The following CTNNA2 variants were observed in gnomAD, a reference collection of about 807,000 sequenced individuals.
CTNNA2 encodes catenin alpha 2, also known as catenin alpha-2.
Under a neutral mutation model 101.0 loss-of-function variants are expected in CTNNA2, and 42 were observed. The ratio of observed to expected loss-of-function variants is 0.42; its 90% confidence interval spans 0.32 to 0.54. The LOEUF is 0.54. CTNNA2 is among the 20% of genes least tolerant of loss of function. CTNNA2 has a pLI of 0.14. For synonymous variants in CTNNA2, 450 were observed against 456.4 expected (o/e 0.99, Z 0.18); for missense variants, 871 against 1,223.1 (o/e 0.71, Z 4.29).
chr2:79,705,752 T>TA (rs1371935018), intron 2 of CTNNA2, among the ~76,000 whole-genome samples: 1 of 152,224 alleles, frequency 6.6e-6, no homozygotes, highest in African/African-American at 2.4e-5. Flanking sequence ...TAAAAAATAA[T>TA]ACTTGGTACT....
At chr2:80,384,368 A>T (rs1184221581) in intron 7 of CTNNA2, among the ~76,000 whole-genome samples, 1 of 151,986 alleles carries the variant, frequency 6.6e-6, no homozygotes, top group Non-Finnish European at 1.5e-5. Context: ...TCCTTGTGAC[A>T]TGAGTTTACC....
chr2:80,259,557 C>A (rs1325264850), intron 7 of CTNNA2, among the ~76,000 whole-genome samples: 1 of 152,182 alleles, frequency 6.6e-6, no homozygotes, highest in Non-Finnish European at 1.5e-5. Flanking sequence ...GTGGCCTGTT[C>A]TGAAGTGTGT....
intron 9 of CTNNA2, among the ~76,000 whole-genome samples, chr2:80,494,358 A>T (rs1687279070): frequency 6.6e-6 from 1 of 152,218 alleles, no homozygotes; most frequent in Non-Finnish European, 1.5e-5. Flanking sequence ...TGGACTAAAG[A>T]ACAGACAAAT....
chr2:80,124,062 G>T (rs2148883042), intron 7 of CTNNA2, among the ~76,000 whole-genome samples: 2 of 152,240 alleles, frequency 1.3e-5, no homozygotes, highest in South Asian at 4.2e-4. Flanking sequence ...CTGTTCACAA[G>T]CTCCCCTCTC....
chr2:80,589,417 C>A lies in CTNNA2; in HGVS notation c.2121C>A (p.Ser707Arg), dbSNP rs780278071. 3.1e-6 allele frequency: 5 copies of A among 1,614,060 alleles called. No homozygotes were observed. The highest frequency in any genetic ancestry group is 4.2e-6 in the Non-Finnish European group (5 of 1,179,966). ...CAGAAGTGGCCAAATGGGACGACAG[C>A]GGCAATGATATCATTGTACTGGCCA... ...LDAEVAKWDD[S>R]GNDIIVLAKQ... The change falls in exon 15 of 19, where the codon AGC becomes AGA. Residue 707 changes from serine (S) to arginine (R), a missense_variant. Physicochemically the swap from Ser to Arg is moderately radical, Grantham distance 110. Transcript: ENST00000402739.
intron 4 of CTNNA2, among the ~76,000 whole-genome samples, chr2:79,411,417 T>G (rs1678409003): frequency 6.6e-6 from 1 of 152,040 alleles, no homozygotes. Flanking sequence ...GGATCTTTCC[T>G]GCTTTCTGTT....
chr2:79,204,333 A>T (rs545095342), intron 2 of CTNNA2, among the ~76,000 whole-genome samples: 2 of 152,300 alleles, frequency 1.3e-5, no homozygotes, highest in East Asian at 3.9e-4. Context: ...TGCTCTGGCA[A>T]GTCTTTCCTG....
intron 2 of CTNNA2, among the ~76,000 whole-genome samples, chr2:79,716,982 A>G (rs13025833): frequency 0.42 from 64,341 of 151,908 alleles, 14,676 homozygotes; most frequent in African/African-American, 0.61. Flanking sequence ...CATTGTAATA[A>G]GAAGTCATAG....
chr2:79,371,859 C>T lies in CTNNA2; in HGVS notation c.-317-1972C>T, dbSNP rs575742060. On this transcript the variant is annotated intron_variant, in intron 3 of 21. Transcript: ENST00000466387. ...GCACTACCCAGGACTCCTGGTGATC[C>T]TGGTGCTAGGGAATAGGGAGGTTGC... 2.6e-5 allele frequency among the ~76,000 whole-genome samples: 4 copies of T among 152,236 alleles called. No homozygotes were observed. In the East Asian group the frequency reaches 7.7e-4, roughly 29 times the overall value.
In CTNNA2 at chr2:80,479,400, A is replaced by T. The variant is rs917195068; in HGVS notation, c.1290+59799A>T. Reference sequence around the variant, plus strand: ...TGCTAAATATCCTATAGTGCGCAGGACAGCCTCCAGCAACAGAGAATCATC... The same window carrying T: ...TGCTAAATATCCTATAGTGCGCAGGTCAGCCTCCAGCAACAGAGAATCATC... On this transcript the variant is annotated intron_variant, in intron 9 of 18. Transcript: ENST00000402739. 4.1e-4 allele frequency among the ~76,000 whole-genome samples: 62 copies of T among 152,140 alleles called. 1 individual carries two copies. Among genetic ancestry groups the T allele is most frequent in the Non-Finnish European group, 4.4e-4 (30 of 68,022 alleles).
chr2:79,923,059 A>C (rs1574321101), intron 7 of CTNNA2, among the ~76,000 whole-genome samples: 1 of 152,224 alleles, frequency 6.6e-6, no homozygotes, highest in Non-Finnish European at 1.5e-5. Flanking sequence ...TCCTAGCAGA[A>C]CCCTGCCAGC....
chr2:79,272,336 T>TA (rs552404824), intron 2 of CTNNA2, among the ~76,000 whole-genome samples: 71 of 151,800 alleles, frequency 4.7e-4, no homozygotes, highest in East Asian at 1.7e-3. Flanking sequence ...CATAACAGAT[T>TA]AAAAAAAAGA....
chr2:79,772,244 T>A (rs1673641632), intron 3 of CTNNA2, among the ~76,000 whole-genome samples: 1 of 152,108 alleles, frequency 6.6e-6, no homozygotes, highest in Admixed American at 6.6e-5. Flanking sequence ...TTAATCAGTT[T>A]GATATTAAAA....
At chr2:80,091,260 T>C (rs984809290) in intron 7 of CTNNA2, among the ~76,000 whole-genome samples, 1 of 152,092 alleles carries the variant, frequency 6.6e-6, no homozygotes, top group African/African-American at 2.4e-5. Flanking sequence ...AATTTATCAA[T>C]AGGACTCATT....
chr2:79,387,577 A>G (rs1294587796), intron 4 of CTNNA2, among the ~76,000 whole-genome samples: 2 of 152,196 alleles, frequency 1.3e-5, no homozygotes, highest in Non-Finnish European at 2.9e-5. Flanking sequence ...CACCAAGTCC[A>G]AGGAAGCACC....
At chr2:80,464,247 A>C (rs916090088) in intron 9 of CTNNA2, among the ~76,000 whole-genome samples, 2 of 152,190 alleles carry the variant, frequency 1.3e-5, no homozygotes, top group Non-Finnish European at 1.5e-5. Context: ...TATAATGGAG[A>C]TCCAATAATC....
At chr2:80,218,892 T>C (rs879749979) in intron 7 of CTNNA2, among the ~76,000 whole-genome samples, 1 of 152,214 alleles carries the variant, frequency 6.6e-6, no homozygotes, top group Non-Finnish European at 1.5e-5. Context: ...TAATACTTAT[T>C]ATGAGAAATA....
chr2:80,321,019 T>C (rs1678624949), intron 7 of CTNNA2, among the ~76,000 whole-genome samples: 1 of 152,252 alleles, frequency 6.6e-6, no homozygotes, highest in Non-Finnish European at 1.5e-5. Context: ...CCAATATTAA[T>C]GTTTATTCAC....
At chr2:79,405,216 C>T (rs1341964545) in intron 4 of CTNNA2, among the ~76,000 whole-genome samples, 1 of 152,080 alleles carries the variant, frequency 6.6e-6, no homozygotes, top group Non-Finnish European at 1.5e-5. Flanking sequence ...TCTGAAGTTC[C>T]ATGCATGCTA....
Sources: allele counts gnomAD v4.1 joint callset (sites outside exome capture counted in the v4.1 genomes callset), GRCh38; gene constraint gnomAD v4.1.1; transcripts MANE v1.5; gene names NCBI Gene and HGNC (gene_info 2026-07-23, HGNC 2026-07-21).